CCDC9B: variants seen among roughly 807,000 people sequenced by gnomAD.
CCDC9B encodes the protein coiled-coil domain containing 9B, also known as coiled-coil domain-containing protein 9B.
A neutral mutation model predicts 47.2 loss-of-function variants in CCDC9B; 40 were observed. The ratio of observed to expected loss-of-function variants is 0.85; its 90% CI spans 0.66 to 1.10. The LOEUF (loss-of-function observed/expected upper bound fraction) is 1.10. Ranked by LOEUF, CCDC9B falls within the 50% of genes least tolerant of loss-of-function variation. The pLI, the probability that CCDC9B is intolerant of heterozygous loss-of-function variation, is 0.00. For synonymous variants in CCDC9B, 238 were observed against 250.7 expected (o/e 0.95, Z 0.48); for missense variants, 662 against 651.0 (o/e 1.02, Z -0.18).
rs777333810 is a variant in CCDC9B at position 40,339,524 on chromosome 15, G to A, written c.219C>T (p.Ser73=). The A allele has an allele frequency of 6.2e-7, 1 of 1,613,630 alleles. No homozygotes were observed. The highest frequency in any genetic ancestry group is 8.5e-7 in the Non-Finnish European group (1 of 1,179,864). The part of the protein sequence containing the change: ...LQPDGLTVTI[S]QVPGEKRVVS... ...GGGTGAGGCTTACACCGGGAACCTGGCTGATGGTAACGGTGAGGCCATCAG... is the reference window on the plus strand; with the variant it reads ...GGGTGAGGCTTACACCGGGAACCTGACTGATGGTAACGGTGAGGCCATCAG... Residue 73 remains serine (S), a synonymous_variant, in exon 3 of 11, where the codon AGC becomes AGT. Transcript: ENST00000397536.
chr15:40,334,722 A>C lies in CCDC9B; in HGVS notation c.*436T>G. The C allele has an allele frequency of 6.4e-6, 1 of 155,634 alleles. No individual in the cohort carries two copies. Among genetic ancestry groups the C allele is most frequent in the Non-Finnish European group, 1.4e-5 (1 of 70,488 alleles). The allele number at this position is 155,634 out of a possible 1,614,324, so 9.6% of individuals were successfully genotyped here. A position where few individuals can be genotyped will look rare whatever the true frequency, so the allele number is the denominator to read the frequency against. On this transcript the variant is annotated 3_prime_UTR_variant, in exon 11 of 11. Coordinates refer to ENST00000397536, the MANE Select transcript of CCDC9B (RefSeq NM_207380.3). ...ATCCTGGGAATCTGGGACTGGGGGA[A>C]TCCAGCCCAGGCAAGAGGTGAAAGC...
At chr15:40,336,955 G>T in intron 7 of CCDC9B, 142 bp from the exon 8 acceptor site, 2 of 738,984 alleles carry the variant, frequency 2.7e-6, no homozygotes, top group Non-Finnish European at 4.5e-6. Flanking sequence ...TCGCCTGGGG[G>T]TCAGGAGAAT....
Position 40,331,921 on chromosome 15 carries a change from G to A in CCDC9B, c.*3237C>T, listed in dbSNP as rs144713538. On this transcript the variant is annotated 3_prime_UTR_variant, in exon 11 of 11. Coordinates refer to ENST00000397536, the MANE Select transcript of CCDC9B (RefSeq NM_207380.3). ...CCGTCCCGCCATCTGTCAAAAATGGGCCTGGGACGGAGAGGCCTCTGCCTA... is the reference window on the plus strand; with the variant it reads ...CCGTCCCGCCATCTGTCAAAAATGGACCTGGGACGGAGAGGCCTCTGCCTA... 1 of 152,464 alleles carries A rather than the reference G, an allele frequency of 6.6e-6. No homozygotes were observed. The highest frequency in any genetic ancestry group is 1.9e-4 in the East Asian group (1 of 5,176). The allele number at this position is 152,464 out of a possible 1,614,324, so 9.4% of individuals were successfully genotyped here. A position where few individuals can be genotyped will look rare whatever the true frequency, so the allele number is the denominator to read the frequency against.
chr15:40,335,438 C>G lies in CCDC9B; in HGVS notation c.1193G>C (p.Arg398Thr). 6.2e-7 allele frequency: 1 copy of G among 1,610,594 alleles called. No homozygotes were observed. Among genetic ancestry groups the G allele is most frequent in the African/African-American group, 1.3e-5 (1 of 74,962 alleles). Residue 398 changes from arginine (R) to threonine (T), a missense_variant, in exon 11 of 11, where the codon AGG becomes ACG. Arg to Thr is a moderately conservative substitution (Grantham distance 71). Coordinates refer to ENST00000397536, the MANE Select transcript of CCDC9B (RefSeq NM_207380.3). ...PRESGCVLGL[R>T]PGAQESPVSW... ...CACAGGGCTCTCCTGGGCCCCAGGC[C>G]TCAGACCGAGCACACACCCGCTCTC...
chr15:40,339,198 C>A (rs973507290), intron 3 of CCDC9B: 13 of 589,890 alleles, frequency 2.2e-5, no homozygotes, highest in Middle Eastern at 7.7e-4. Flanking sequence ...TCAGCCCCAA[C>A]TTCTCTGTCC....
chr15:40,335,502 C>T lies in CCDC9B; in HGVS notation c.1129G>A (p.Asp377Asn). 1 of 1,566,104 alleles carries T rather than the reference C, an allele frequency of 6.4e-7. No homozygotes were observed. Among genetic ancestry groups the T allele is most frequent in the Non-Finnish European group, 8.7e-7 (1 of 1,153,710 alleles). Reference protein sequence around the residue: ...SPQEPDLAPLDLSLGGAGIPG... With the variant: ...SPQEPDLAPLNLSLGGAGIPG... ...ATGCCAGCCCCTCCTAGGGAGAGGT[C>T]AAGAGGAGCCAAGTCAGGCTCCTGT... Residue 377 changes from aspartate (D) to asparagine (N), a missense_variant, in exon 11 of 11, where the codon GAC (aspartate) becomes AAC (asparagine). Transcript: ENST00000397536.
chr15:40,337,448 T>C lies in CCDC9B; in HGVS notation c.684-2A>G, dbSNP rs752950142. On this transcript the variant is annotated splice_acceptor_variant, in intron 6 of 10. Coordinates refer to ENST00000397536, the MANE Select transcript of CCDC9B (RefSeq NM_207380.3). LOFTEE classifies it high-confidence loss of function. ...CTCAGCTGGCTGCAGTCCTGTAGCC[T>C]GTGTAGACAGAGGGAGTCAGGTTGC... 4 of 1,560,166 alleles carry C rather than the reference T, an allele frequency of 2.6e-6. No individual in the cohort carries two copies. The highest frequency in any genetic ancestry group is 4.5e-5 in the East Asian group (2 of 44,254).
In CCDC9B at chr15:40,339,902, C is replaced by T. The variant is rs762960146; in HGVS notation, c.123+3G>A. The T allele has an allele frequency of 1.6e-5, 25 of 1,607,718 alleles. No individual in the cohort carries two copies. The highest frequency in any genetic ancestry group is 2.0e-5 in the Non-Finnish European group (24 of 1,174,598). On this transcript the variant is annotated splice_donor_region_variant and intron_variant, in intron 2 of 10. Coordinates refer to ENST00000397536, the MANE Select transcript of CCDC9B (RefSeq NM_207380.3). ...TCTCCTGGCCCTGTGGCAGCCCACT[C>T]ACCTGGTACCTGCGGAGCAAGGCCT...
intron 9 of CCDC9B, 195 bp from the exon 10 acceptor site, chr15:40,336,021 T>C (rs1467841555): frequency 2.0e-6 from 2 of 985,162 alleles, no homozygotes; most frequent in East Asian, 2.3e-4. Context: ...CCCATAGCCC[T>C]CAGCAGAGAG....
chr15:40,335,591 G>T lies in CCDC9B; in HGVS notation c.1040C>A (p.Ala347Glu). 6.7e-7 allele frequency: 1 copy of T among 1,500,474 alleles called. No homozygotes were observed. The highest frequency in any genetic ancestry group is 1.3e-5 in the South Asian group (1 of 74,356). 92.9% of individuals were successfully genotyped at this position (1,500,474 alleles called of 1,614,324 possible). ...CTCCCCCTTCGGCCCCTCTGGGGAT[G>T]CCAGGGCTGGGCTGGCTGCAGGGGC... ...GSAPAASPAL[A>E]SPEGPKGESV... is the part of the protein sequence containing the mutation. The change falls in exon 11 of 11, where the codon GCA becomes GAA. Residue 347 changes from alanine to glutamate, a missense_variant. Physicochemically the swap from Ala to Glu is moderately radical, Grantham distance 107. Coordinates refer to ENST00000397536, the MANE Select transcript of CCDC9B (RefSeq NM_207380.3).
In CCDC9B at chr15:40,335,153, T is replaced by C. The variant is rs372473196; in HGVS notation, c.*5A>G. The C allele has an allele frequency of 9.3e-6, 14 of 1,498,190 alleles. No individual in the cohort carries two copies. The African/African-American group carries it at 1.8e-4, about 19-fold the overall frequency. 92.8% of individuals were successfully genotyped at this position (1,498,190 alleles called of 1,614,324 possible). A position where few individuals can be genotyped will look rare whatever the true frequency, so the allele number is the denominator to read the frequency against. The stretch of plus-strand genomic sequence containing the variant: ...CGGGGACTCCCCAGCTCCCAGGAGC[T>C]GTGTTCAGCATCTTCCTGCCGGGCC... On this transcript the variant is annotated 3_prime_UTR_variant, in exon 11 of 11. Coordinates refer to ENST00000397536, the MANE Select transcript of CCDC9B (RefSeq NM_207380.3).
intron 8 of CCDC9B, 46 bp from the exon 9 acceptor site, chr15:40,336,710 G>A (rs746074054): frequency 3.1e-6 from 5 of 1,601,664 alleles, no homozygotes; most frequent in Admixed American, 1.7e-5. Context: ...CATAGCAGCC[G>A]GCTCCATCTT....
At position 40,339,952 on chromosome 15, in the gene CCDC9B, T is replaced by A; in HGVS notation, c.76A>T (p.Ile26Leu). Residue 26 changes from isoleucine to leucine, a missense_variant, in exon 2 of 11, where the codon ATA (isoleucine) becomes TTA (leucine). Transcript: ENST00000397536. ...QEKDAELDRR[I>L]VALRKKNQAL... ...TGGTTCTTCTTGCGCAGGGCAACTATCCTCCGATCCAGCTCTGCGTCCTTC... is the reference window on the plus strand; with the variant it reads ...TGGTTCTTCTTGCGCAGGGCAACTAACCTCCGATCCAGCTCTGCGTCCTTC... 1 of 1,613,900 alleles carries A rather than the reference T, an allele frequency of 6.2e-7. No homozygotes were observed. Among genetic ancestry groups the A allele is most frequent in the Non-Finnish European group, 8.5e-7 (1 of 1,179,936 alleles).
chr15:40,338,021 C>T (rs1889003320), intron 5 of CCDC9B, 128 bp from the exon 6 acceptor site: 2 of 889,662 alleles, frequency 2.2e-6, no homozygotes, highest in South Asian at 1.4e-5. Flanking sequence ...CCTGTTCCAG[C>T]TCTCCCGTGG....
intron 1 of CCDC9B, chr15:40,340,574 G>C (rs1862482957): frequency 1.9e-6 from 1 of 530,598 alleles, no homozygotes; most frequent in African/African-American, 2.0e-5. Flanking sequence ...GGGGCGGAGA[G>C]AGCCAGCTCC....
intron 6 of CCDC9B, 116 bp from the exon 7 acceptor site, chr15:40,337,562 GCCCAAGAAAGATGGGAGA>G: frequency 8.4e-7 from 1 of 1,195,044 alleles, no homozygotes; most frequent in Non-Finnish European, 1.2e-6. Flanking sequence ...GAGATGGTGG[GCCCAAGAAAGATGGGAGA>G]CCCAGAGCCT....
rs1233813055 is a variant in CCDC9B, at chr15:40,335,442, G to T, written c.1189C>A (p.Leu397Met). The change falls in exon 11 of 11, where the codon CTG (leucine) becomes ATG (methionine). Residue 397 changes from leucine to methionine, a missense_variant. Coordinates refer to ENST00000397536, the MANE Select transcript of CCDC9B (RefSeq NM_207380.3). ...GGGCTCTCCTGGGCCCCAGGCCTCA[G>T]ACCGAGCACACACCCGCTCTCCCTG... ...GPRESGCVLG[L>M]RPGAQESPVS... 3 of 1,609,806 alleles carry T rather than the reference G, an allele frequency of 1.9e-6. No individual in the cohort carries two copies. In the African/African-American group the frequency reaches 4.0e-5, roughly 22 times the overall value.
intron 2 of CCDC9B, 45 bp downstream of exon 2, chr15:40,339,860 G>A (rs376948573): frequency 8.0e-6 from 12 of 1,494,220 alleles, no homozygotes; most frequent in African/African-American, 6.9e-5. Context: ...GGCACAGGGA[G>A]CGGCAGCCAA....
rs1324919237 is a variant in CCDC9B, at chr15:40,335,061, AGCCACC to A, written c.*91_*96del. 1 of 1,243,274 alleles carries A rather than the reference AGCCACC, an allele frequency of 8.0e-7. No individual in the cohort carries two copies. The highest frequency in any genetic ancestry group is 1.5e-5 in the African/African-American group (1 of 66,606). The allele number at this position is 1,243,274 out of a possible 1,614,324, so 77.0% of individuals were successfully genotyped here. A position where few individuals can be genotyped will look rare whatever the true frequency, so the allele number is the denominator to read the frequency against. ...CACACTGCTCAGTGACAATGGCGCAAGCCACCGGCAACCACATGGCCATCACGCGGA... is the reference window on the plus strand; with the variant it reads ...CACACTGCTCAGTGACAATGGCGCAAGGCAACCACATGGCCATCACGCGGA... On this transcript the variant is annotated 3_prime_UTR_variant, in exon 11 of 11. Coordinates refer to ENST00000397536, the MANE Select transcript of CCDC9B (RefSeq NM_207380.3).
Sources: gnomAD v4.1 joint callset for allele counts on GRCh38, gnomAD v4.1.1 for gene constraint, MANE v1.5 for transcripts, NCBI Gene and HGNC (gene_info 2026-07-23, HGNC 2026-07-21) for gene names.